SNX29: variants seen among roughly 807,000 people sequenced by gnomAD.
SNX29 encodes sorting nexin 29.
In SNX29, 78 loss-of-function variants were observed where a neutral mutation model predicts 102.1. The observed-to-expected ratio is 0.76, with a 90% CI of 0.64 to 0.92. The LOEUF (loss-of-function observed/expected upper bound fraction) is 0.92. Ranked by LOEUF, SNX29 falls within the 40% of genes least tolerant of loss-of-function variation. The probability of loss-of-function intolerance (pLI) is 0.00; values close to 1 mark genes in which losing one functional copy is unlikely to be tolerated. For missense variants in SNX29, 1,280 were observed against 1,061.7 expected, an observed-to-expected ratio of 1.21 and a Z score of -2.86; for synonymous variants, 580 against 414.5, an observed-to-expected ratio of 1.40 and a Z score of -4.85.
chr16:12,498,643 A>G (rs1293390898), intron 19 of SNX29, among the ~76,000 whole-genome samples: 1 of 152,256 alleles, frequency 6.6e-6, no homozygotes, highest in Non-Finnish European at 1.5e-5. Context: ...GGGAAGGAGA[A>G]CAGATAATGC....
intron 15 of SNX29, among the ~76,000 whole-genome samples, chr16:12,341,455 T>C (rs1337049412): frequency 1.3e-5 from 2 of 152,236 alleles, no homozygotes; most frequent in African/African-American, 2.4e-5. Flanking sequence ...GGTTGTCAAG[T>C]TGACACATGT....
In SNX29 at chr16:12,218,915, A is replaced by C. The variant is rs181786936; in HGVS notation, c.1678+19232A>C. Among the ~76,000 whole-genome samples the C allele has an allele frequency of 2.1e-3, 326 of 152,162 alleles. 1 individual carries two copies. Among genetic ancestry groups the C allele is most frequent in the Non-Finnish European group, 3.7e-3 (252 of 67,994 alleles). ...TCAGCCTCCCAAGTAGCTGGGACTAAAGGCACCTGCCACCAGTCCTGGCTA... is the reference window on the plus strand; with the variant it reads ...TCAGCCTCCCAAGTAGCTGGGACTACAGGCACCTGCCACCAGTCCTGGCTA... On this transcript the variant is annotated intron_variant, in intron 14 of 20. Coordinates refer to ENST00000566228, the MANE Select transcript of SNX29 (RefSeq NM_032167.5).
intron 20 of SNX29, among the ~76,000 whole-genome samples, chr16:12,562,812 TC>T (rs1194804447): frequency 6.6e-6 from 1 of 152,138 alleles, no homozygotes; most frequent in Non-Finnish European, 1.5e-5. Context: ...ACAACTCCTT[TC>T]CCCCCAAATT....
chr16:12,281,194 G>C (rs1596743527), intron 15 of SNX29, among the ~76,000 whole-genome samples: 1 of 152,210 alleles, frequency 6.6e-6, no homozygotes, highest in Non-Finnish European at 1.5e-5. Context: ...GATCACAAGT[G>C]TATGCCATTG....
intron 19 of SNX29, among the ~76,000 whole-genome samples, chr16:12,520,005 A>AAT (rs2090035000): frequency 1.3e-5 from 2 of 151,652 alleles, no homozygotes; most frequent in Non-Finnish European, 2.9e-5. Context: ...ATAAAAATAA[A>AAT]AATAATAATA....
At chr16:12,108,209 C>G (rs2053348872) in intron 11 of SNX29, among the ~76,000 whole-genome samples, 1 of 152,186 alleles carries the variant, frequency 6.6e-6, no homozygotes, top group African/African-American at 2.4e-5. Context: ...CTAGCCTTGT[C>G]TGGCATTCTT....
intron 20 of SNX29, among the ~76,000 whole-genome samples, chr16:12,560,431 C>T (rs1447397614): frequency 2.6e-5 from 4 of 152,274 alleles, no homozygotes; most frequent in Admixed American, 1.3e-4. Flanking sequence ...TGTAGGCATC[C>T]ATGTCCCCAG....
chr16:12,385,134 G>T (rs1384235560), intron 16 of SNX29, among the ~76,000 whole-genome samples: 1 of 152,186 alleles, frequency 6.6e-6, no homozygotes, highest in African/African-American at 2.4e-5. Flanking sequence ...TCGCGCCACT[G>T]CACTCCAGCC....
chr16:12,059,509 C>T (rs913819480), intron 8 of SNX29, among the ~76,000 whole-genome samples: 1 of 152,202 alleles, frequency 6.6e-6, no homozygotes, highest in Non-Finnish European at 1.5e-5. Flanking sequence ...AATGATCTGT[C>T]TTGCAAAATT....
At chr16:12,515,374 A>G (rs767598869) in intron 19 of SNX29, among the ~76,000 whole-genome samples, 41 of 152,210 alleles carry the variant, frequency 2.7e-4, no homozygotes, top group African/African-American at 8.2e-4. Context: ...TGAATGAATC[A>G]ACAAACGAAT....
At chr16:12,466,643 T>C (rs1261828833) in intron 18 of SNX29, among the ~76,000 whole-genome samples, 1 of 152,144 alleles carries the variant, frequency 6.6e-6, no homozygotes, top group Non-Finnish European at 1.5e-5. Context: ...CTCACCATGA[T>C]CTACCTGGAG....
chr16:12,467,755 C>G (rs183861870), intron 18 of SNX29, among the ~76,000 whole-genome samples: 41 of 152,240 alleles, frequency 2.7e-4, no homozygotes, highest in African/African-American at 9.4e-4. Flanking sequence ...TAAAATTGAC[C>G]AGATCCATGT....
chr16:12,392,774 A>G (rs2083575027), intron 16 of SNX29, among the ~76,000 whole-genome samples: 1 of 152,196 alleles, frequency 6.6e-6, no homozygotes, highest in African/African-American at 2.4e-5. Context: ...ACAACAACAA[A>G]AGCCACAGAG....
intron 4 of SNX29, 82 bp downstream of exon 4, chr16:12,027,526 C>G (rs2057227803): frequency 6.5e-7 from 1 of 1,547,824 alleles, no homozygotes; most frequent in East Asian, 2.3e-5. Flanking sequence ...TAATAGTGGG[C>G]AGGGCAGTGA....
At chr16:12,566,292 G>C (rs1020187039) in intron 20 of SNX29, among the ~76,000 whole-genome samples, 6 of 152,178 alleles carry the variant, frequency 3.9e-5, no homozygotes, top group Non-Finnish European at 4.4e-5. Context: ...ACTGGACAGA[G>C]ACACGTGCCT....
chr16:12,012,619 G>A (rs1228019588), intron 3 of SNX29, among the ~76,000 whole-genome samples: 2 of 152,064 alleles, frequency 1.3e-5, no homozygotes, highest in Non-Finnish European at 2.9e-5. Flanking sequence ...ATGTTGGCCA[G>A]GCTGGTCTTA....
At chr16:11,999,250 C>T (rs762230773) in intron 1 of SNX29, 47 bp from the exon 2 acceptor site, 64 of 1,584,282 alleles carry the variant, frequency 4.0e-5, no homozygotes, top group Middle Eastern at 3.3e-4. Context: ...TGGGGACAGC[C>T]GTGTCCGAGC....
intron 15 of SNX29, among the ~76,000 whole-genome samples, chr16:12,346,904 A>G (rs927514494): frequency 1.3e-5 from 2 of 152,104 alleles, no homozygotes; most frequent in African/African-American, 4.8e-5. Context: ...GAAAGGCCAC[A>G]TGTCGGGAGA....
At chr16:12,412,672 T>C (rs2084451400) in intron 18 of SNX29, among the ~76,000 whole-genome samples, 1 of 152,214 alleles carries the variant, frequency 6.6e-6, no homozygotes, top group Non-Finnish European at 1.5e-5. Context: ...TACGTGTGCA[T>C]GTGTTTTTGT....
Sources: gnomAD v4.1 joint callset for allele counts (sites outside exome capture counted in the v4.1 genomes callset) on GRCh38, gnomAD v4.1.1 for gene constraint, MANE v1.5 for transcripts, NCBI Gene and HGNC (gene_info 2026-07-23, HGNC 2026-07-21) for gene names.